Variants in TNIP1 observed in about 807,000 individuals in gnomAD.
The protein encoded by TNIP1 is TNFAIP3 interacting protein 1, also known as TNFAIP3-interacting protein 1.
A neutral mutation model predicts 86.6 loss-of-function variants in TNIP1; 22 were observed. That is an observed-to-expected ratio of 0.25 (90% CI 0.18 to 0.36). The LOEUF is 0.36. Ranked by LOEUF, TNIP1 falls within the 10% of genes least tolerant of loss-of-function variation. The pLI is 1.00. For synonymous variants in TNIP1, 294 were observed against 313.0 expected (o/e 0.94, Z 0.64); for missense variants, 709 against 820.6 (o/e 0.86, Z 1.66).
At chr5:151,033,578 C>A (rs1409105763) in intron 16 of TNIP1, 30 bp downstream of exon 16, 1 of 1,406,106 alleles carries the variant, frequency 7.1e-7, no homozygotes, top group African/African-American at 1.5e-5. Flanking sequence ...TCTGTGTGTG[C>A]CCTGGAGCAA....
At position 151,062,172 on chromosome 5, in the gene TNIP1, T is replaced by C. The variant is rs746535469; in HGVS notation, c.312A>G (p.Ala104=). 5 of 1,614,038 alleles carry C rather than the reference T, an allele frequency of 3.1e-6. No homozygotes were observed. The highest frequency in any genetic ancestry group is 4.5e-5 in the East Asian group (2 of 44,900). Residue 104 remains alanine (A), a synonymous_variant, in exon 4 of 18, where the codon GCA becomes GCG. Coordinates refer to ENST00000521591, the MANE Select transcript of TNIP1 (RefSeq NM_006058.5). ...CTGGTGCTGGCTTGTCACTGGGGCATGCAGGGGCTGTGGGAGATGCTGTGA... is the reference window on the plus strand; with the variant it reads ...CTGGTGCTGGCTTGTCACTGGGGCACGCAGGGGCTGTGGGAGATGCTGTGA... The part of the protein sequence containing the change: ...SNVTASPTAP[A]CPSDKPAPVQ...
intron 5 of TNIP1, 31 bp downstream of exon 5, chr5:151,060,287 G>A (rs772980664): frequency 1.2e-5 from 19 of 1,612,020 alleles, no homozygotes; most frequent in Admixed American, 6.7e-5. Flanking sequence ...AGGGCAGCAG[G>A]TCAAGCCCGG....
chr5:151,053,608 T>C (rs1450911789), intron 6 of TNIP1, among the ~76,000 whole-genome samples: 18 of 152,202 alleles, frequency 1.2e-4, no homozygotes, highest in Admixed American at 1.2e-3. Flanking sequence ...GGGAAGGTGC[T>C]GACTAGCAAT....
At chr5:151,045,836 C>A (rs759156600) in intron 9 of TNIP1, 25 bp downstream of exon 9, 2 of 1,611,914 alleles carry the variant, frequency 1.2e-6, no homozygotes, top group Non-Finnish European at 8.5e-7. Flanking sequence ...GGGATCCTCC[C>A]ACTACTGCCA....
chr5:151,071,632 C>A (rs1281604823), intron 1 of TNIP1, among the ~76,000 whole-genome samples: 1 of 152,132 alleles, frequency 6.6e-6, no homozygotes, highest in African/African-American at 2.4e-5. Context: ...TAGGTGCTAT[C>A]CCCTCCCCGA....
chr5:151,038,249 C>T (rs568955223), intron 12 of TNIP1, among the ~76,000 whole-genome samples: 1 of 152,280 alleles, frequency 6.6e-6, no homozygotes, highest in Non-Finnish European at 1.5e-5. Flanking sequence ...TGCCAGAGTC[C>T]ACTGTCACCA....
In TNIP1 at chr5:151,041,662, C is replaced by T. The variant is rs76184188; in HGVS notation, c.1134+878G>A. Among the ~76,000 whole-genome samples, 591 of 152,336 alleles carry T rather than the reference C, an allele frequency of 3.9e-3. 3 individuals carry two copies. The highest frequency in any genetic ancestry group is 0.013 in the African/African-American group (549 of 41,570). ...GATCATAGGCACAAGCCACCCAACC[C>T]GGCCTTCTCTGCAACACTTAACACA... On this transcript the variant is annotated intron_variant, in intron 11 of 17. Transcript: ENST00000521591.
chr5:151,036,966 A>G, intron 12 of TNIP1, 45 bp from the exon 13 acceptor site: 1 of 1,543,570 alleles, frequency 6.5e-7, no homozygotes, highest in South Asian at 1.3e-5. Context: ...ACCCCTGGAA[A>G]TCAGGGCCCT....
At chr5:151,071,586 T>G (rs977694591) in intron 1 of TNIP1, among the ~76,000 whole-genome samples, 2 of 152,022 alleles carry the variant, frequency 1.3e-5, no homozygotes, top group African/African-American at 4.8e-5. Flanking sequence ...CCAGGTGGAT[T>G]TCCCTAACCC....
At chr5:151,047,875 T>A (rs529478111) in intron 8 of TNIP1, among the ~76,000 whole-genome samples, 6 of 152,236 alleles carry the variant, frequency 3.9e-5, no homozygotes, top group African/African-American at 9.6e-5. Context: ...GCAGGCCCCA[T>A]CCGGACTTCT....
upstream of TNIP1, among the ~76,000 whole-genome samples, chr5:151,083,604 G>A (rs1360493779): frequency 6.6e-6 from 1 of 152,134 alleles, no homozygotes; most frequent in Non-Finnish European, 1.5e-5. Context: ...ACAAGCACTC[G>A]CACAAAGCCA....
chr5:151,080,050 C>G (rs1763829614), intron 1 of TNIP1: 1 of 152,232 alleles, frequency 6.6e-6, no homozygotes, highest in African/African-American at 2.4e-5. Flanking sequence ...CCTCCCTCCC[C>G]CTACCAAAAC....
upstream of TNIP1, among the ~76,000 whole-genome samples, chr5:151,085,953 T>A (rs1764260909): frequency 6.6e-6 from 1 of 152,112 alleles, no homozygotes; most frequent in African/African-American, 2.4e-5. Flanking sequence ...CTATGGCCCC[T>A]CCCCGCTCTC....
intron 1 of TNIP1, among the ~76,000 whole-genome samples, chr5:151,067,749 C>G (rs1055352802): frequency 6.6e-6 from 1 of 152,170 alleles, no homozygotes; most frequent in Non-Finnish European, 1.5e-5. Context: ...TCAGAGAAGT[C>G]AGACTGAAGG....
intron 1 of TNIP1, among the ~76,000 whole-genome samples, chr5:151,071,421 T>C (rs116041785): frequency 0.016 from 2,452 of 152,222 alleles, 77 homozygotes; most frequent in African/African-American, 0.056. Context: ...AAGAGGGAGC[T>C]GCAAAAATAG....
intron 1 of TNIP1, among the ~76,000 whole-genome samples, chr5:151,072,811 G>T (rs904962717): frequency 3.2e-4 from 49 of 152,320 alleles, no homozygotes; most frequent in African/African-American, 1.2e-3. Context: ...TATTGAGGGA[G>T]CCTGGGTATA....
rs377380185 is a variant in TNIP1, at chr5:151,073,582, T to TTGTGTGTGTGTGTGTGTGTGTGTGTGTG, written c.-37+7297_-37+7298insCACACACACACACACACACACACACACA. 3.3e-3 allele frequency among the ~76,000 whole-genome samples: 496 copies of TTGTGTGTGTGTGTGTGTGTGTGTGTGTG among 150,276 alleles called. 2 individuals are homozygous for TTGTGTGTGTGTGTGTGTGTGTGTGTGTG. Among genetic ancestry groups the TTGTGTGTGTGTGTGTGTGTGTGTGTGTG allele is most frequent in the African/African-American group, 0.011 (451 of 40,416 alleles). ...GGATGCTATTTTTTTCAAAAACACA[T>TTGTGTGTGTGTGTGTGTGTGTGTGTGTG]TGTGTGTGTGTGTGTATACATACGG... On this transcript the variant is annotated intron_variant, in intron 1 of 17. Transcript: ENST00000521591.
intron 3 of TNIP1, 131 bp from the exon 4 acceptor site, chr5:151,062,343 G>T: frequency 1.2e-6 from 1 of 813,098 alleles, no homozygotes; most frequent in Admixed American, 2.1e-5. Flanking sequence ...AGAATGGGAG[G>T]TGGTCTCATC....
chr5:151,045,269 T>C (rs1247413902), intron 9 of TNIP1, among the ~76,000 whole-genome samples: 3 of 152,140 alleles, frequency 2.0e-5, no homozygotes, highest in Admixed American at 6.5e-5. Context: ...TTTGTATTTT[T>C]AGTAGGCACA....
Sources: gnomAD v4.1 joint callset for allele counts (sites outside exome capture counted in the v4.1 genomes callset) on GRCh38, gnomAD v4.1.1 for gene constraint, MANE v1.5 for transcripts, NCBI Gene and HGNC (gene_info 2026-07-23, HGNC 2026-07-21) for gene names.